Variants in GAB2 observed in about 807,000 individuals in gnomAD.
GAB2 encodes GRB2-associated-binding protein 2.
A neutral mutation model predicts 65.5 loss-of-function variants in GAB2; 26 were observed. That is an observed-to-expected ratio of 0.40 (90% CI 0.29 to 0.55). The LOEUF (loss-of-function observed/expected upper bound fraction) is 0.55, where lower values mean the gene tolerates loss of function less well. GAB2 is among the 20% of genes least tolerant of loss of function. The pLI is 0.53. For missense variants in GAB2, 884 were observed against 875.8 expected (o/e 1.01, Z -0.12); for synonymous variants, 321 against 329.6 (o/e 0.97, Z 0.28).
chr11:78,363,794 T>C (rs889510140), intron 1 of GAB2, among the ~76,000 whole-genome samples: 3 of 151,976 alleles, frequency 2.0e-5, no homozygotes, highest in Non-Finnish European at 2.9e-5. Context: ...CCACGTTGCC[T>C]AGACTGGTCT....
At chr11:78,326,838 T>C (rs1591040920) in intron 1 of GAB2, among the ~76,000 whole-genome samples, 2 of 152,260 alleles carry the variant, frequency 1.3e-5, no homozygotes, top group South Asian at 4.1e-4. Flanking sequence ...CCCGGTAAAA[T>C]TTCCCCATAA....
chr11:78,344,455 G>A (rs1484747451), intron 1 of GAB2, among the ~76,000 whole-genome samples: 1 of 152,138 alleles, frequency 6.6e-6, no homozygotes, highest in Non-Finnish European at 1.5e-5. Context: ...GGCAAGTGAC[G>A]GAAAGAGAAT....
intron 1 of GAB2, among the ~76,000 whole-genome samples, chr11:78,290,453 G>C (rs1866631007): frequency 6.6e-6 from 1 of 152,206 alleles, no homozygotes; most frequent in African/African-American, 2.4e-5. Context: ...CTGTTGAACA[G>C]ACAGTACATG....
Position 78,331,539 on chromosome 11 carries a change from C to G in GAB2, c.76-50638G>C, listed in dbSNP as rs1445145164. Among the ~76,000 whole-genome samples the G allele has an allele frequency of 2.0e-5, 3 of 152,098 alleles. 1 individual carries two copies. Among genetic ancestry groups the G allele is most frequent in the Non-Finnish European group, 4.4e-5 (3 of 67,970 alleles). On this transcript the variant is annotated intron_variant, in intron 1 of 9. Transcript: ENST00000361507. Reference sequence around the variant, plus strand: ...GGATTACAGGCGTGAGCCACTGCGCCCAGCCCCGAATCCTCCATTCTTAAG... The same window carrying G: ...GGATTACAGGCGTGAGCCACTGCGCGCAGCCCCGAATCCTCCATTCTTAAG...
chr11:78,224,936 A>ATC (rs1864579095), intron 5 of GAB2, among the ~76,000 whole-genome samples, 172 bp downstream of exon 5: 2 of 152,288 alleles, frequency 1.3e-5, no homozygotes, highest in African/African-American at 4.8e-5. Flanking sequence ...GAATACTTAT[A>ATC]TCTTACTTGT....
rs1864527604 is a variant in GAB2, at chr11:78,223,489, G to A, written c.1490C>T (p.Pro497Leu). 1 of 1,609,448 alleles carries A rather than the reference G, an allele frequency of 6.2e-7. No homozygotes were observed. Among genetic ancestry groups the A allele is most frequent in the Non-Finnish European group, 8.5e-7 (1 of 1,177,536 alleles). ...TCCTCTGCTGGGGCCTCGGTGCACA[G>A]GAAGGGTTGTTGATGGGTAGCCAAG... ...DSLGYPSTTLPVHRGPSRGSE... is the reference protein window; with the variant it reads ...DSLGYPSTTLLVHRGPSRGSE... Residue 497 changes from proline to leucine, a missense_variant, in exon 6 of 10, where the codon CCT becomes CTT. Transcript: ENST00000361507.
At chr11:78,394,885 G>C (rs1856876398) in intron 1 of GAB2, among the ~76,000 whole-genome samples, 1 of 152,184 alleles carries the variant, frequency 6.6e-6, no homozygotes, top group African/African-American at 2.4e-5. Context: ...CATGCGGTGA[G>C]GAAGCCCACC....
At chr11:78,408,905 G>A (rs59481798) in intron 1 of GAB2, among the ~76,000 whole-genome samples, 9,300 of 152,172 alleles carry the variant, frequency 0.061, 912 homozygotes, top group African/African-American at 0.21. Flanking sequence ...TTCCTGTACA[G>A]CTTGTGGAAC....
intron 3 of GAB2, among the ~76,000 whole-genome samples, chr11:78,242,015 G>C (rs553180088): frequency 6.6e-6 from 1 of 152,280 alleles, no homozygotes; most frequent in African/African-American, 2.4e-5. Flanking sequence ...TAGCACATGT[G>C]ACATTCTATA....
At position 78,216,651 on chromosome 11, in the gene GAB2, T is replaced by G. The variant is rs549770907; in HGVS notation, c.*2621A>C. On this transcript the variant is annotated 3_prime_UTR_variant, in exon 10 of 10. Transcript: ENST00000361507. Reference sequence around the variant, plus strand: ...GCTGGAAGGAAGCCTCCTGGGAGATTCGATTTGAACACCTCAGTCGCTCTC... The same window carrying G: ...GCTGGAAGGAAGCCTCCTGGGAGATGCGATTTGAACACCTCAGTCGCTCTC... 3.9e-5 allele frequency: 6 copies of G among 152,196 alleles called. 1 individual carries two copies. In the East Asian group the frequency reaches 1.2e-3, roughly 29 times the overall value. 9.4% of individuals were successfully genotyped at this position (152,196 alleles called of 1,614,324 possible).
intron 1 of GAB2, among the ~76,000 whole-genome samples, chr11:78,400,897 G>T (rs1856960422): frequency 1.3e-5 from 1 of 74,394 alleles, no homozygotes; most frequent in African/African-American, 5.7e-5. Flanking sequence ...GAGTGAGACT[G>T]TCTCAAAAAA....
intron 1 of GAB2, among the ~76,000 whole-genome samples, chr11:78,396,649 C>T (rs1213221539): frequency 6.6e-6 from 1 of 151,878 alleles, no homozygotes; most frequent in East Asian, 1.9e-4. Context: ...CTCTTGTTGT[C>T]CAGGCTGGAG....
In GAB2 at chr11:78,250,216, G is replaced by A. The variant is rs1314327035; in HGVS notation, c.561C>T (p.Ser187=). ...GCAAGTAGAGATACTCCTGAGGTGCGCTGGTGGACAAGGTGGGCTGCATGT... is the reference window on the plus strand; with the variant it reads ...GCAAGTAGAGATACTCCTGAGGTGCACTGGTGGACAAGGTGGGCTGCATGT... The part of the protein sequence containing the change: ...SNHMQPTLST[S]APQEYLYLHQ... Residue 187 remains serine, a synonymous_variant, in exon 3 of 10, where the codon AGC becomes AGT. Transcript: ENST00000361507. 30 of 1,613,134 alleles carry A rather than the reference G, an allele frequency of 1.9e-5. No individual in the cohort carries two copies. The highest frequency in any genetic ancestry group is 2.2e-5 in the South Asian group (2 of 90,964).
At chr11:78,307,890 T>C (rs1413102333) in intron 1 of GAB2, among the ~76,000 whole-genome samples, 8 of 152,206 alleles carry the variant, frequency 5.3e-5, no homozygotes, top group Non-Finnish European at 1.2e-4. Flanking sequence ...TGAGGGTGTT[T>C]CTGGGAGAGA....
intron 1 of GAB2, among the ~76,000 whole-genome samples, chr11:78,310,238 C>G (rs972813459): frequency 1.1e-4 from 16 of 151,596 alleles, no homozygotes; most frequent in African/African-American, 3.4e-4. Flanking sequence ...TGCGGTGGCT[C>G]ACGCCTGTAA....
chr11:78,312,301 C>T (rs1855516551), intron 1 of GAB2, among the ~76,000 whole-genome samples: 1 of 152,114 alleles, frequency 6.6e-6, no homozygotes, highest in Non-Finnish European at 1.5e-5. Context: ...CCACCACCAC[C>T]ACCACCACCA....
At chr11:78,273,478 C>T (rs1159192820) in intron 2 of GAB2, among the ~76,000 whole-genome samples, 1 of 152,210 alleles carries the variant, frequency 6.6e-6, no homozygotes, top group East Asian at 1.9e-4. Flanking sequence ...CCTGTAGCCC[C>T]TTTGTTTTGG....
At chr11:78,407,638 A>AAAGAAAGAAAGAAAGAAAGT (rs1467345543) in intron 1 of GAB2, among the ~76,000 whole-genome samples, 1 of 119,996 alleles carries the variant, frequency 8.3e-6, no homozygotes, top group Non-Finnish European at 1.7e-5. Context: ...CTTCTCAAAG[A>AAAGAAAGAAAGAAAGAAAGT]AAGAAAGAAA....
At chr11:78,388,709 C>A (rs2134746768) in intron 1 of GAB2, among the ~76,000 whole-genome samples, 1 of 152,232 alleles carries the variant, frequency 6.6e-6, no homozygotes, top group Non-Finnish European at 1.5e-5. Context: ...CTCTACCAAC[C>A]TTTTGCCCTC....
Sources: gnomAD v4.1 joint callset for allele counts (sites outside exome capture counted in the v4.1 genomes callset) on GRCh38, gnomAD v4.1.1 for gene constraint, MANE v1.5 for transcripts, NCBI Gene and HGNC (gene_info 2026-07-23, HGNC 2026-07-21) for gene names.